The following NXPE2 variants were observed in gnomAD, a reference collection of about 807,000 sequenced individuals.
NXPE2 encodes neurexophilin and PC-esterase domain family member 2, also known as NXPE family member 2.
In NXPE2, 34 loss-of-function variants were observed where a neutral mutation model predicts 34.4. The ratio of observed to expected loss-of-function variants is 0.99; its 90% CI spans 0.75 to 1.31. The LOEUF is 1.31. Ranked by LOEUF, NXPE2 falls within the 40% of genes most tolerant of loss-of-function variation. NXPE2 has a pLI of 0.00. For synonymous variants in NXPE2, 235 were observed against 231.3 expected (o/e 1.02, Z -0.15); for missense variants, 649 against 672.5 (o/e 0.97, Z 0.39).
At chr11:114,536,212 T>C in the NXPE2 span, among the ~76,000 whole-genome samples, 1 of 152,134 alleles carries the variant, frequency 6.6e-6, no homozygotes, top group African/African-American at 2.4e-5. Flanking sequence ...AAGGCAGAAA[T>C]GAAGATGTTC....
chr11:114,573,897 T>C, the NXPE2 span, among the ~76,000 whole-genome samples: 1 of 151,924 alleles, frequency 6.6e-6, no homozygotes, highest in South Asian at 2.1e-4. Flanking sequence ...ACCCAAAAAG[T>C]GAAGAATATA....
chr11:114,586,369 T>G, the NXPE2 span, among the ~76,000 whole-genome samples: 1 of 152,146 alleles, frequency 6.6e-6, no homozygotes, highest in Non-Finnish European at 1.5e-5. Context: ...CCGAGGAAGA[T>G]TCATAGAAGG....
chr11:114,495,767 G>A, the NXPE2 span, among the ~76,000 whole-genome samples: 1 of 149,498 alleles, frequency 6.7e-6, no homozygotes, highest in African/African-American at 2.6e-5. Context: ...TTTAACGCAA[G>A]GGGTTCCCTT....
chr11:114,678,637 G>A (rs529609139), intron 1 of NXPE2, 36 bp downstream of exon 1: 54 of 1,512,270 alleles, frequency 3.6e-5, no homozygotes, highest in African/African-American at 2.5e-4. Flanking sequence ...CCAAGCTAAC[G>A]TCAGGGAAGG....
At chr11:114,804,112 C>T in the NXPE2 span, among the ~76,000 whole-genome samples, 3 of 152,252 alleles carry the variant, frequency 2.0e-5, no homozygotes, top group African/African-American at 7.2e-5. Flanking sequence ...CACCTGACTG[C>T]AGTCTGCAGC....
At chr11:114,470,582 CGTGT>C in the NXPE2 span, among the ~76,000 whole-genome samples, 20,843 of 144,714 alleles carry the variant, frequency 0.14, 1,661 homozygotes, top group Middle Eastern at 0.26. Context: ...AAAGAATTGA[CGTGT>C]GTGTGTGTGT....
In NXPE2 at chr11:114,698,172, T is replaced by G. The variant is rs772068009; in HGVS notation, c.260T>G (p.Ile87Ser). ...GAGACTGAACTTAGAATAAAGGACA[T>G]TATGGAGAAACTAGACCAGCAGATC... ...PKETELRIKD[I>S]MEKLDQQIPP... Residue 87 changes from isoleucine (I) to serine (S), a missense_variant, in exon 3 of 6, where the codon ATT becomes AGT. By Grantham distance (142) the Ile-to-Ser change is moderately radical (BLOSUM62 -2). Coordinates refer to ENST00000389586, the MANE Select transcript of NXPE2 (RefSeq NM_182495.6). The G allele has an allele frequency of 5.9e-5, 96 of 1,613,978 alleles. No homozygotes were observed. The highest frequency in any genetic ancestry group is 7.5e-5 in the Non-Finnish European group (89 of 1,180,010).
the NXPE2 span, among the ~76,000 whole-genome samples, chr11:114,467,134 A>G: frequency 6.6e-6 from 1 of 152,218 alleles, no homozygotes; most frequent in African/African-American, 2.4e-5. Flanking sequence ...TTATCAGGCA[A>G]TCCAAAGGAA....
the NXPE2 span, among the ~76,000 whole-genome samples, chr11:114,618,131 G>A: frequency 1.3e-5 from 2 of 151,912 alleles, no homozygotes; most frequent in African/African-American, 4.8e-5. Flanking sequence ...GGAAACCAGT[G>A]TTACCTGGTG....
At chr11:114,494,939 A>G in the NXPE2 span, among the ~76,000 whole-genome samples, 1 of 152,248 alleles carries the variant, frequency 6.6e-6, no homozygotes, top group African/African-American at 2.4e-5. Context: ...CCCTAAACCC[A>G]GTAATACTGT....
At chr11:114,504,598 C>T in the NXPE2 span, among the ~76,000 whole-genome samples, 1 of 152,176 alleles carries the variant, frequency 6.6e-6, no homozygotes, top group South Asian at 2.1e-4. Flanking sequence ...GTACAAGTCC[C>T]CTACATTAGA....
At chr11:114,585,900 C>T in the NXPE2 span, among the ~76,000 whole-genome samples, 28,271 of 152,082 alleles carry the variant, frequency 0.19, 2,968 homozygotes, top group African/African-American at 0.28. Flanking sequence ...AACATGGAGG[C>T]TCCATCTTCC....
At chr11:114,493,080 T>A in the NXPE2 span, among the ~76,000 whole-genome samples, 1 of 152,146 alleles carries the variant, frequency 6.6e-6, no homozygotes, top group Non-Finnish European at 1.5e-5. Context: ...CTTTTTATAG[T>A]TTTTGTCTTG....
the NXPE2 span, among the ~76,000 whole-genome samples, chr11:114,485,300 C>G: frequency 6.6e-6 from 1 of 151,796 alleles, no homozygotes; most frequent in Non-Finnish European, 1.5e-5. Context: ...CCTCCACCTC[C>G]CAGGTGGAAG....
chr11:114,728,435 G>A, the NXPE2 span, among the ~76,000 whole-genome samples: 1 of 151,986 alleles, frequency 6.6e-6, no homozygotes, highest in Non-Finnish European at 1.5e-5. Flanking sequence ...TACCATTTTT[G>A]TTGGTGTTAA....
chr11:114,682,920 G>A (rs930184045), intron 2 of NXPE2, among the ~76,000 whole-genome samples: 1 of 151,588 alleles, frequency 6.6e-6, no homozygotes, highest in Non-Finnish European at 1.5e-5. Flanking sequence ...TTTAAAAGGG[G>A]AGAGAAAACC....
chr11:114,589,350 T>C, the NXPE2 span, among the ~76,000 whole-genome samples: 1 of 151,994 alleles, frequency 6.6e-6, no homozygotes, highest in Non-Finnish European at 1.5e-5. Context: ...GGAAGGAAGG[T>C]GGACCTCCTT....
At chr11:114,651,114 G>A in the NXPE2 span, among the ~76,000 whole-genome samples, 1 of 151,890 alleles carries the variant, frequency 6.6e-6, no homozygotes, top group East Asian at 1.9e-4. Context: ...ATATATAATA[G>A]AATGTGTCCA....
At chr11:114,538,228 G>T in the NXPE2 span, among the ~76,000 whole-genome samples, 1 of 152,224 alleles carries the variant, frequency 6.6e-6, no homozygotes, top group East Asian at 1.9e-4. Flanking sequence ...CTAGCCATAT[G>T]TAGAAAGCTG....
Sources: gnomAD v4.1 joint callset for allele counts (sites outside exome capture counted in the v4.1 genomes callset) on GRCh38, gnomAD v4.1.1 for gene constraint, MANE v1.5 for transcripts, NCBI Gene and HGNC (gene_info 2026-07-23, HGNC 2026-07-21) for gene names.